Variants in ZNF335 observed in about 807,000 individuals in gnomAD.
The protein encoded by ZNF335 is NRC-interacting factor 1.
A neutral mutation model predicts 145.6 loss-of-function variants in ZNF335; 84 were observed. The ratio of observed to expected loss-of-function variants is 0.58; its 90% CI spans 0.48 to 0.69. The LOEUF (loss-of-function observed/expected upper bound fraction) is 0.69. ZNF335 is among the 30% of genes least tolerant of loss of function. The pLI is 0.00. For missense variants in ZNF335, 1,865 were observed against 1,809.7 expected (o/e 1.03, Z -0.55); for synonymous variants, 761 against 717.0 (o/e 1.06, Z -0.98).
intron 4 of ZNF335, 75 bp from the exon 5 acceptor site, chr20:45,968,102 C>A (rs1319563068): frequency 6.3e-7 from 1 of 1,583,170 alleles, no homozygotes; most frequent in East Asian, 2.2e-5. Context: ...CTACCCCTCC[C>A]AGGCAGGCCC....
In ZNF335 at chr20:45,971,297, G is replaced by C; in HGVS notation, c.114C>G (p.Asp38Glu). Residue 38 changes from aspartate (D) to glutamate (E), a missense_variant, in exon 2 of 28, where the codon GAC becomes GAG. By Grantham distance (45) the Asp-to-Glu change is conservative (BLOSUM62 2). Transcript: ENST00000322927. ...CCGGGGCGGCCGCGGCGTCGCTGCTGTCGGCGGACACGGCTTCTGAGGTGC... is the reference window on the plus strand; with the variant it reads ...CCGGGGCGGCCGCGGCGTCGCTGCTCTCGGCGGACACGGCTTCTGAGGTGC... Reference protein sequence around the residue: ...GVGTSEAVSADSSDAAAAPGQ... With the variant: ...GVGTSEAVSAESSDAAAAPGQ... The C allele has an allele frequency of 1.3e-6, 2 of 1,590,740 alleles. No homozygotes were observed. The highest frequency in any genetic ancestry group is 1.7e-6 in the Non-Finnish European group (2 of 1,175,154).
intron 17 of ZNF335, 140 bp from the exon 18 acceptor site, chr20:45,954,088 C>T (rs1200613702): frequency 9.3e-7 from 1 of 1,079,142 alleles, no homozygotes; most frequent in African/African-American, 1.6e-5. Context: ...TTTGAATAGC[C>T]CAAGTTCTTT....
chr20:45,958,014 T>G (rs1032179354), intron 15 of ZNF335, 86 bp from the exon 16 acceptor site: 82 of 1,074,084 alleles, frequency 7.6e-5, no homozygotes, highest in Non-Finnish European at 1.1e-4. Flanking sequence ...CTGCCAGATG[T>G]TTTACATCTG....
chr20:45,956,265 G>A (rs150217429), intron 17 of ZNF335, among the ~76,000 whole-genome samples: 7 of 147,186 alleles, frequency 4.8e-5, no homozygotes, highest in Admixed American at 2.7e-4. Context: ...AGTTTTGCTC[G>A]TTGGCCAGGC....
chr20:45,951,624 T>C (rs2083633608), intron 20 of ZNF335, among the ~76,000 whole-genome samples: 1 of 152,220 alleles, frequency 6.6e-6, no homozygotes, highest in Non-Finnish European at 1.5e-5. Context: ...ACAATGGGGC[T>C]GTGCTCCTGA....
In ZNF335 at chr20:45,967,915, A is replaced by G. The variant is rs2083989702; in HGVS notation, c.633T>C (p.Gly211=). The G allele has an allele frequency of 3.7e-6, 6 of 1,612,264 alleles. No individual in the cohort carries two copies. The highest frequency in any genetic ancestry group is 5.1e-6 in the Non-Finnish European group (6 of 1,179,560). The change falls in exon 5 of 28, where the codon GGT becomes GGC. Residue 211 remains glycine (G), a synonymous_variant. Transcript: ENST00000322927. ...TSTSTCLEAQ[G]GPSSPVQLPP... ...GCAGCTGCACCGGGGAGCTGGGCCCACCCTGTGCCTCCAGGCATGTGGATG... is the reference window on the plus strand; with the variant it reads ...GCAGCTGCACCGGGGAGCTGGGCCCGCCCTGTGCCTCCAGGCATGTGGATG...
intron 9 of ZNF335, among the ~76,000 whole-genome samples, chr20:45,962,584 G>A (rs1383717628): frequency 3.9e-5 from 6 of 152,102 alleles, no homozygotes; most frequent in African/African-American, 1.4e-4. Flanking sequence ...ACAGGGGCTC[G>A]CTCTGACCAC....
At position 45,959,296 on chromosome 20, in the gene ZNF335, G is replaced by A. The variant is rs750099536; in HGVS notation, c.2158C>T (p.Arg720Cys). The A allele has an allele frequency of 4.9e-5, 76 of 1,561,658 alleles. No homozygotes were observed. The highest frequency in any genetic ancestry group is 3.4e-4 in the Middle Eastern group (2 of 5,894). Residue 720 changes from arginine (R) to cysteine (C), a missense_variant, in exon 15 of 28, where the codon CGT (arginine) becomes TGT (cysteine). Physicochemically the swap from Arg to Cys is radical, Grantham distance 180 (BLOSUM62 -3). Transcript: ENST00000322927. Reference sequence around the variant, plus strand: ...TGCTGCAGAGAGAAGAAGGGGCGACGGCGGGAGGGGGGCTCCTCAGGGTGG... The same window carrying A: ...TGCTGCAGAGAGAAGAAGGGGCGACAGCGGGAGGGGGGCTCCTCAGGGTGG... ...RRHPEEPPSR[R>C]RPFFSLQQIE...
At chr20:45,961,270 A>G (rs1260192433) in intron 10 of ZNF335, among the ~76,000 whole-genome samples, 1 of 152,192 alleles carries the variant, frequency 6.6e-6, no homozygotes, top group Non-Finnish European at 1.5e-5. Flanking sequence ...TAGCACCTGT[A>G]GTCCCAGCTA....
At chr20:45,962,530 C>T (rs1052670113) in intron 9 of ZNF335, among the ~76,000 whole-genome samples, 1 of 152,234 alleles carries the variant, frequency 6.6e-6, no homozygotes, top group African/African-American at 2.4e-5. Context: ...GACATCTTCT[C>T]TGCAGAACCC....
intron 6 of ZNF335, among the ~76,000 whole-genome samples, chr20:45,966,179 T>C (rs2083949177): frequency 6.6e-6 from 1 of 152,230 alleles, no homozygotes; most frequent in African/African-American, 2.4e-5. Flanking sequence ...CAAACTGAGA[T>C]ATAATTAAGT....
At position 45,968,035 on chromosome 20, in the gene ZNF335, T is replaced by A; in HGVS notation, c.521-8A>T. On this transcript the variant is annotated splice_region_variant and splice_polypyrimidine_tract_variant and intron_variant, in intron 4 of 27. Transcript: ENST00000322927. ...GTGATGTCATGGGGGCTCCTGGGGATGGGTGAGGCAATTGGAGGGTGGTTA... is the reference window on the plus strand; with the variant it reads ...GTGATGTCATGGGGGCTCCTGGGGAAGGGTGAGGCAATTGGAGGGTGGTTA... 6.2e-7 allele frequency: 1 copy of A among 1,612,212 alleles called. No homozygotes were observed.
chr20:45,955,100 C>T (rs1301758133), intron 17 of ZNF335, among the ~76,000 whole-genome samples: 3 of 151,762 alleles, frequency 2.0e-5, no homozygotes, highest in Non-Finnish European at 4.4e-5. Context: ...CCTGTAATTC[C>T]AGCACTCTGG....
intron 8 of ZNF335, 38 bp downstream of exon 8, chr20:45,963,700 C>A: frequency 6.2e-7 from 1 of 1,613,936 alleles, no homozygotes. Context: ...GGTGGCTTAA[C>A]CACATGCATG....
At chr20:45,965,573 G>T (rs2083935916) in intron 7 of ZNF335, 55 bp downstream of exon 7, 2 of 1,548,328 alleles carry the variant, frequency 1.3e-6, no homozygotes, top group Admixed American at 2.2e-5. Flanking sequence ...GACAAGCAGG[G>T]AGAGAGGCCA....
intron 24 of ZNF335, 91 bp from the exon 25 acceptor site, chr20:45,949,659 A>G: frequency 6.8e-7 from 1 of 1,462,474 alleles, no homozygotes; most frequent in Non-Finnish European, 9.4e-7. Flanking sequence ...AAGACTAGGA[A>G]CAGCCACCAG....
At chr20:45,971,552 T>C (rs2084067936) in intron 1 of ZNF335, 92 bp from the exon 2 acceptor site, 3 of 1,466,524 alleles carry the variant, frequency 2.0e-6, no homozygotes, top group Non-Finnish European at 2.7e-6. Context: ...GCGCCCATTT[T>C]GCAGATGCGA....
intron 10 of ZNF335, 144 bp downstream of exon 10, chr20:45,961,926 T>C (rs2083850178): frequency 1.5e-6 from 1 of 667,186 alleles, no homozygotes; most frequent in Non-Finnish European, 2.6e-6. Flanking sequence ...GTGAACTGCC[T>C]TTCTGCTCAT....
Position 45,967,801 on chromosome 20 carries a change from C to A in ZNF335, c.747G>T (p.Met249Ile). Residue 249 changes from methionine to isoleucine, a missense_variant, in exon 5 of 28, where the codon ATG (methionine) becomes ATT (isoleucine). By Grantham distance (10) the Met-to-Ile change is conservative. Transcript: ENST00000322927. ...VVVVQQFKCK[M>I]CQYRSSTKAT... Reference sequence around the variant, plus strand: ...CCTTGGTGCTGCTCCGGTACTGGCACATCTTGCATTTGAACTGCTGCACCA... The same window carrying A: ...CCTTGGTGCTGCTCCGGTACTGGCAAATCTTGCATTTGAACTGCTGCACCA... 6.2e-7 allele frequency: 1 copy of A among 1,613,644 alleles called. No individual in the cohort carries two copies. Among genetic ancestry groups the A allele is most frequent in the Non-Finnish European group, 8.5e-7 (1 of 1,180,034 alleles).
Sources: allele counts gnomAD v4.1 joint callset (sites outside exome capture counted in the v4.1 genomes callset), GRCh38; gene constraint gnomAD v4.1.1; transcripts MANE v1.5; gene names NCBI Gene and HGNC (gene_info 2026-07-23, HGNC 2026-07-21).